Variants in SHLD2 observed in about 807,000 individuals in gnomAD.
SHLD2 encodes the protein shieldin complex subunit 2.
Under a neutral mutation model 73.2 loss-of-function variants are expected in SHLD2, and 30 were observed. That is an observed-to-expected ratio of 0.41 (90% CI 0.31 to 0.56). The LOEUF (loss-of-function observed/expected upper bound fraction) is 0.56, where lower values mean the gene tolerates loss of function less well. SHLD2 is among the 20% of genes least tolerant of loss of function. The pLI is 0.28. For missense variants in SHLD2, 745 were observed against 1,055.9 expected, an observed-to-expected ratio of 0.71 and a Z score of 4.08; for synonymous variants, 285 against 370.1, an observed-to-expected ratio of 0.77 and a Z score of 2.64.
At chr10:87,166,260 T>A (rs1847193484) in intron 4 of SHLD2, among the ~76,000 whole-genome samples, 1 of 151,772 alleles carries the variant, frequency 6.6e-6, no homozygotes, top group South Asian at 2.1e-4. Context: ...CTTTTCCCTC[T>A]GAAAACTACA....
intron 2 of SHLD2, among the ~76,000 whole-genome samples, chr10:87,130,242 A>ACCCTTCATGTCAGCTTCTGATTACTTTT (rs1366928528): frequency 6.6e-6 from 1 of 150,864 alleles, no homozygotes; most frequent in Non-Finnish European, 1.5e-5. Context: ...TTGCTGGGGC[A>ACCCTTCATGTCAGCTTCTGATTACTTTT]CCCTTCATGT....
intron 2 of SHLD2, chr10:87,115,646 C>T (rs2484766): frequency 0.13 from 19,820 of 151,910 alleles, 2,184 homozygotes; most frequent in East Asian, 0.63. Context: ...AAGTGGAGTG[C>T]ACAAAGATAG....
Position 87,142,922 on chromosome 10 carries a change from C to CTTT in SHLD2, c.-5-8406_-5-8404dup, listed in dbSNP as rs71269253. On this transcript the variant is annotated intron_variant, in intron 2 of 9. Coordinates refer to ENST00000298786, the MANE Select transcript of SHLD2 (RefSeq NM_001330112.2). ...TTAAATTCAGTCCTTTTTATTTTTA[C>CTTT]TTTTTTTTTTTTTTTTTTTTTTTTA... Among the ~76,000 whole-genome samples the CTTT allele has an allele frequency of 1.2e-4, 10 of 83,168 alleles. 1 individual carries two copies. The highest frequency in any genetic ancestry group is 7.7e-3 in the Middle Eastern group (1 of 130). 54.6% of individuals were successfully genotyped at this position (83,168 alleles called of 152,430 possible). A position where few individuals can be genotyped will look rare whatever the true frequency, so the allele number is the denominator to read the frequency against.
chr10:87,139,943 G>T (rs1431672624), intron 2 of SHLD2, among the ~76,000 whole-genome samples: 1 of 152,192 alleles, frequency 6.6e-6, no homozygotes, highest in Admixed American at 6.5e-5. Context: ...TGGAAAAAAA[G>T]ATCATTAAAT....
At chr10:87,143,706 T>C (rs1157461457) in intron 2 of SHLD2, among the ~76,000 whole-genome samples, 2 of 152,114 alleles carry the variant, frequency 1.3e-5, no homozygotes, top group African/African-American at 4.8e-5. Context: ...TTCATGTGTT[T>C]ATATGGTTCT....
At chr10:87,105,007 T>G (rs922363726) in intron 2 of SHLD2, among the ~76,000 whole-genome samples, 3 of 152,170 alleles carry the variant, frequency 2.0e-5, no homozygotes, top group Non-Finnish European at 4.4e-5. Flanking sequence ...ATGCCTCTCT[T>G]AATCTTTATT....
intron 2 of SHLD2, among the ~76,000 whole-genome samples, chr10:87,137,798 GA>G (rs2048510191): frequency 6.6e-6 from 1 of 152,122 alleles, no homozygotes; most frequent in African/African-American, 2.4e-5. Context: ...TCAAACTGCT[GA>G]AAATTGAAGA....
intron 2 of SHLD2, among the ~76,000 whole-genome samples, chr10:87,132,528 A>G (rs188101061): frequency 1.8e-4 from 28 of 152,274 alleles, no homozygotes. Flanking sequence ...TAATCCCAGC[A>G]CTTTGGGAGG....
At chr10:87,096,129 C>G (rs985713736) in intron 1 of SHLD2, among the ~76,000 whole-genome samples, 1 of 152,128 alleles carries the variant, frequency 6.6e-6, no homozygotes, top group Non-Finnish European at 1.5e-5. Context: ...CAGCTTCCAC[C>G]TCCCTGGGTT....
At chr10:87,115,354 G>A (rs1376062192) in intron 2 of SHLD2, 2 of 152,164 alleles carry the variant, frequency 1.3e-5, no homozygotes, top group Non-Finnish European at 2.9e-5. Context: ...CCCAGCATAA[G>A]TCATATTTAA....
chr10:87,165,161 C>T (rs11593376), intron 4 of SHLD2, among the ~76,000 whole-genome samples: 48,698 of 150,520 alleles, frequency 0.32, 8,513 homozygotes, highest in South Asian at 0.46. Context: ...CACTTCAGCC[C>T]GGGCAACAGA....
intron 4 of SHLD2, among the ~76,000 whole-genome samples, chr10:87,165,571 G>T (rs1319296592): frequency 6.6e-6 from 1 of 152,118 alleles, no homozygotes; most frequent in Non-Finnish European, 1.5e-5. Context: ...CCAAAGGGAA[G>T]GACGTTCTAC....
chr10:87,181,882 G>C (rs914517961), intron 8 of SHLD2, among the ~76,000 whole-genome samples: 4 of 150,526 alleles, frequency 2.7e-5, no homozygotes, highest in Non-Finnish European at 5.9e-5. Context: ...TGATTCTTCT[G>C]TCTCAGCCTC....
chr10:87,190,319 A>G (rs1036691668), intron 9 of SHLD2, among the ~76,000 whole-genome samples, 165 bp from the exon 10 acceptor site: 4 of 152,228 alleles, frequency 2.6e-5, no homozygotes, highest in Admixed American at 2.0e-4. Context: ...TCCGTCTCCC[A>G]GAGTGCTGGG....
chr10:87,130,008 T>C (rs1343621972), intron 2 of SHLD2, among the ~76,000 whole-genome samples: 1 of 152,086 alleles, frequency 6.6e-6, no homozygotes, highest in East Asian at 1.9e-4. Flanking sequence ...AAAATTCTTT[T>C]TAAATTTTAA....
At chr10:87,162,353 A>G (rs1048691267) in intron 4 of SHLD2, among the ~76,000 whole-genome samples, 1 of 152,236 alleles carries the variant, frequency 6.6e-6, no homozygotes, top group African/African-American at 2.4e-5. Flanking sequence ...TATTTGTAAC[A>G]TACAACAAAA....
intron 2 of SHLD2, among the ~76,000 whole-genome samples, chr10:87,127,346 G>C (rs1362273428): frequency 1.3e-5 from 2 of 152,104 alleles, no homozygotes; most frequent in Non-Finnish European, 2.9e-5. Context: ...AACTTGCCTA[G>C]TGAGAGTGAA....
At chr10:87,148,297 A>C (rs572984609) in intron 2 of SHLD2, among the ~76,000 whole-genome samples, 4 of 152,370 alleles carry the variant, frequency 2.6e-5, no homozygotes, top group Non-Finnish European at 5.9e-5. Context: ...GATTGAAGGA[A>C]TAATCCAATA....
At chr10:87,165,632 A>T (rs867713212) in intron 4 of SHLD2, among the ~76,000 whole-genome samples, 1 of 152,248 alleles carries the variant, frequency 6.6e-6, no homozygotes, top group Non-Finnish European at 1.5e-5. Flanking sequence ...GAAAAAGAAA[A>T]GACTGAGAAA....
Sources: allele counts gnomAD v4.1 joint callset (sites outside exome capture counted in the v4.1 genomes callset), GRCh38; gene constraint gnomAD v4.1.1; transcripts MANE v1.5; gene names NCBI Gene and HGNC (gene_info 2026-07-23, HGNC 2026-07-21).